KCNIP1: variants seen among roughly 807,000 people sequenced by gnomAD.
KCNIP1 encodes potassium voltage-gated channel interacting protein 1.
In KCNIP1, 18 loss-of-function variants were observed where a neutral mutation model predicts 33.0. The ratio of observed to expected loss-of-function variants is 0.55; its 90% CI spans 0.38 to 0.81. The LOEUF (loss-of-function observed/expected upper bound fraction) is 0.81, where lower values mean the gene tolerates loss of function less well. Among genes scored for constraint, KCNIP1 ranks in the 30% least tolerant of loss-of-function variants. KCNIP1 has a pLI of 0.00. For missense variants in KCNIP1, 238 were observed against 271.6 expected (o/e 0.88, Z 0.87); for synonymous variants, 93 against 98.3 (o/e 0.95, Z 0.32).
intron 1 of KCNIP1, among the ~76,000 whole-genome samples, chr5:170,599,400 TGATTTA>T (rs946082346): frequency 6.6e-6 from 1 of 152,166 alleles, no homozygotes; most frequent in Admixed American, 6.5e-5. Context: ...TGATGGCATC[TGATTTA>T]GTTTTCCCAC....
At chr5:170,681,425 G>C in intron 1 of KCNIP1, 1 of 313,960 alleles carries the variant, frequency 3.2e-6, no homozygotes, top group Non-Finnish European at 5.8e-6. Flanking sequence ...CTCCTGCTCC[G>C]GCCCTATGAG....
chr5:170,658,062 T>A (rs1274062891), intron 1 of KCNIP1, among the ~76,000 whole-genome samples: 1 of 152,076 alleles, frequency 6.6e-6, no homozygotes, highest in Non-Finnish European at 1.5e-5. Context: ...TGGAAAGGCA[T>A]TGCAGGCAGA....
At chr5:170,652,024 G>A (rs889449490) in intron 1 of KCNIP1, among the ~76,000 whole-genome samples, 48 of 152,156 alleles carry the variant, frequency 3.2e-4, no homozygotes, top group African/African-American at 1.1e-3. Context: ...GAAGTTACTC[G>A]GCAAATAAAT....
chr5:170,598,021 T>C lies in KCNIP1; in HGVS notation c.61+93388T>C, dbSNP rs549625612. On this transcript the variant is annotated intron_variant, in intron 1 of 7. Transcript: ENST00000328939. ...TGCCAAGCCCTGTGCTACTGAACTCTGTGGCCCCCACTCCTGCCTCCCGGT... is the reference window on the plus strand; with the variant it reads ...TGCCAAGCCCTGTGCTACTGAACTCCGTGGCCCCCACTCCTGCCTCCCGGT... 1.5e-4 allele frequency among the ~76,000 whole-genome samples: 23 copies of C among 152,260 alleles called. 1 individual carries two copies. In the South Asian group the frequency reaches 2.7e-3, roughly 18 times the overall value.
At chr5:170,537,569 C>A (rs1756040497) in intron 1 of KCNIP1, among the ~76,000 whole-genome samples, 1 of 152,188 alleles carries the variant, frequency 6.6e-6, no homozygotes, top group Admixed American at 6.5e-5. Flanking sequence ...GCTGGGGAGG[C>A]TGACCTGGGA....
At chr5:170,652,968 A>C (rs981317609) in intron 1 of KCNIP1, among the ~76,000 whole-genome samples, 6 of 152,188 alleles carry the variant, frequency 3.9e-5, no homozygotes, top group African/African-American at 1.4e-4. Context: ...GCTGACATTT[A>C]GGTTGATTCT....
At chr5:170,373,871 A>G (rs1321762152) in intron 1 of KCNIP1, among the ~76,000 whole-genome samples, 1 of 152,238 alleles carries the variant, frequency 6.6e-6, no homozygotes, top group Non-Finnish European at 1.5e-5. Flanking sequence ...GAGAACTGCT[A>G]CACTGGACTG....
chr5:170,420,186 G>A (rs1005549011), intron 1 of KCNIP1, among the ~76,000 whole-genome samples: 7 of 152,052 alleles, frequency 4.6e-5, no homozygotes, highest in African/African-American at 9.7e-5. Flanking sequence ...GTGTGGGTCC[G>A]CTTACACATG....
chr5:170,390,502 C>CAAAAAAAAAAAAAAAAA (rs1296285736), intron 1 of KCNIP1, among the ~76,000 whole-genome samples: 7 of 35,808 alleles, frequency 2.0e-4, no homozygotes, highest in African/African-American at 5.1e-4. Context: ...GACCCCGTCT[C>CAAAAAAAAAAAAAAAAA]AAAAAAAAAA....
At chr5:170,457,358 C>T (rs894166758) in intron 1 of KCNIP1, among the ~76,000 whole-genome samples, 8 of 152,206 alleles carry the variant, frequency 5.3e-5, no homozygotes, top group Admixed American at 3.3e-4. Flanking sequence ...TACGGAGAGG[C>T]CCTGGAGGGG....
At chr5:170,500,734 G>A (rs1335580109), upstream of KCNIP1, among the ~76,000 whole-genome samples, 1 of 152,164 alleles carries the variant, frequency 6.6e-6, no homozygotes, top group Admixed American at 6.5e-5. Flanking sequence ...CAGTGGGCAC[G>A]TGCGTATGTG....
intron 1 of KCNIP1, among the ~76,000 whole-genome samples, chr5:170,384,631 G>A (rs1043312504): frequency 2.6e-5 from 4 of 152,208 alleles, no homozygotes; most frequent in African/African-American, 7.2e-5. Context: ...CTGCTGGAAC[G>A]TGCCCAGAGC....
Position 170,361,435 on chromosome 5 carries a change from G to A in KCNIP1, c.88+7471G>A, listed in dbSNP as rs540784295. On this transcript the variant is annotated intron_variant, in intron 1 of 7. Coordinates refer to the KCNIP1 transcript ENST00000377360. ...TCCTTCTCTGTTAGGATGAGGGGAG[G>A]AGGACCATGAACACAAAGCTAACCT... 2.0e-5 allele frequency among the ~76,000 whole-genome samples: 3 copies of A among 152,288 alleles called. 1 individual carries two copies. In the South Asian group the frequency reaches 6.2e-4, roughly 32 times the overall value.
At chr5:170,639,510 T>C (rs1196885530) in intron 1 of KCNIP1, 1 of 152,238 alleles carries the variant, frequency 6.6e-6, no homozygotes, top group African/African-American at 2.4e-5. Flanking sequence ...TGCGTGACCT[T>C]GGTGAGTTAC....
intron 1 of KCNIP1, among the ~76,000 whole-genome samples, chr5:170,451,170 C>T (rs1457321751): frequency 3.9e-5 from 6 of 152,152 alleles, no homozygotes; most frequent in African/African-American, 9.7e-5. Flanking sequence ...GAGAGCACTT[C>T]GTAGTCATGT....
intron 1 of KCNIP1, among the ~76,000 whole-genome samples, chr5:170,523,263 G>A (rs995094008): frequency 5.3e-5 from 8 of 152,252 alleles, no homozygotes; most frequent in Non-Finnish European, 8.8e-5. Flanking sequence ...CTGATCTTGC[G>A]TGCTGCAGAG....
intron 1 of KCNIP1, among the ~76,000 whole-genome samples, chr5:170,687,350 T>G (rs1762574355): frequency 1.3e-5 from 2 of 151,932 alleles, no homozygotes; most frequent in Admixed American, 6.6e-5. Context: ...CCTGGCTAAT[T>G]TTTGTATTTT....
chr5:170,386,265 A>T (rs1764468884), intron 1 of KCNIP1, among the ~76,000 whole-genome samples: 1 of 152,238 alleles, frequency 6.6e-6, no homozygotes, highest in Admixed American at 6.5e-5. Flanking sequence ...GAGAAAGCTA[A>T]GGTGATATGA....
At chr5:170,423,895 G>A (rs768759593) in intron 1 of KCNIP1, among the ~76,000 whole-genome samples, 10 of 152,184 alleles carry the variant, frequency 6.6e-5, no homozygotes, top group African/African-American at 9.7e-5. Flanking sequence ...GCTACCAAAC[G>A]GAGGTAGCGC....
Sources: allele counts gnomAD v4.1 joint callset (sites outside exome capture counted in the v4.1 genomes callset), GRCh38; gene constraint gnomAD v4.1.1; transcripts MANE v1.5; gene names NCBI Gene and HGNC (gene_info 2026-07-23, HGNC 2026-07-21).